The following GABRB3 variants were observed in gnomAD, a reference collection of about 807,000 sequenced individuals.
The protein encoded by GABRB3 is gamma-aminobutyric acid type A receptor subunit beta3, also known as gamma-aminobutyric acid receptor subunit beta-3.
GABRB3 carries 14 observed loss-of-function variants against 52.1 expected under a neutral mutation model. That is an observed-to-expected ratio of 0.27 (90% CI 0.18 to 0.42). The LOEUF is 0.42. Among genes scored for constraint, GABRB3 ranks in the 10% least tolerant of loss-of-function variants. The probability of loss-of-function intolerance (pLI) is 1.00; values close to 1 mark genes in which losing one functional copy is unlikely to be tolerated. For missense variants in GABRB3, 307 were observed against 609.1 expected, an observed-to-expected ratio of 0.50 and a Z score of 5.22; for synonymous variants, 260 against 232.3, an observed-to-expected ratio of 1.12 and a Z score of -1.08.
intron 3 of GABRB3, among the ~76,000 whole-genome samples, chr15:26,681,372 GC>G (rs1030695498): frequency 6.6e-6 from 1 of 151,854 alleles, no homozygotes; most frequent in Non-Finnish European, 1.5e-5. Context: ...CTGATATTCT[GC>G]CCCCCCGTAT....
intron 3 of GABRB3, chr15:26,656,998 G>A (rs186997879): frequency 6.6e-6 from 1 of 152,242 alleles, no homozygotes. Flanking sequence ...CTTCCTTTCT[G>A]TATTTAGGAA....
chr15:26,679,402 C>T (rs981766694), intron 3 of GABRB3, among the ~76,000 whole-genome samples: 4 of 152,114 alleles, frequency 2.6e-5, no homozygotes, highest in East Asian at 3.9e-4. Context: ...CTTGAGAAGT[C>T]GCACATACGT....
At chr15:26,710,765 T>G (rs1889267046) in intron 3 of GABRB3, among the ~76,000 whole-genome samples, 1 of 152,242 alleles carries the variant, frequency 6.6e-6, no homozygotes, top group Admixed American at 6.5e-5. Flanking sequence ...TGCCCATTTT[T>G]CAACTGGGTT....
At chr15:26,659,417 G>A (rs915538122) in intron 3 of GABRB3, among the ~76,000 whole-genome samples, 9 of 152,230 alleles carry the variant, frequency 5.9e-5, no homozygotes, top group Admixed American at 5.9e-4. Flanking sequence ...AGCTACTTGG[G>A]AGGCTGAGGC....
chr15:26,639,784 T>C (rs1893150640), intron 3 of GABRB3, among the ~76,000 whole-genome samples: 1 of 152,234 alleles, frequency 6.6e-6, no homozygotes, highest in African/African-American at 2.4e-5. Context: ...TGGGTAATGA[T>C]TGTGTTTGTT....
chr15:26,555,483 C>T (rs907888300), intron 8 of GABRB3, among the ~76,000 whole-genome samples: 1 of 152,128 alleles, frequency 6.6e-6, no homozygotes, highest in Non-Finnish European at 1.5e-5. Context: ...GTTTGGGAGA[C>T]GACCTCACGA....
intron 8 of GABRB3, among the ~76,000 whole-genome samples, chr15:26,558,466 C>T (rs890359771): frequency 6.6e-6 from 1 of 152,140 alleles, no homozygotes; most frequent in African/African-American, 2.4e-5. Flanking sequence ...GCAAGAAAAC[C>T]TCCATAGGCT....
intron 3 of GABRB3, among the ~76,000 whole-genome samples, chr15:26,717,765 T>TAAG: frequency 6.6e-6 from 1 of 152,216 alleles, no homozygotes; most frequent in Non-Finnish European, 1.5e-5. Context: ...GACACCTCTT[T>TAAG]ACAAGCTGAG....
intron 3 of GABRB3, among the ~76,000 whole-genome samples, chr15:26,723,065 GAGA>G (rs1303787507): frequency 2.6e-5 from 4 of 152,102 alleles, no homozygotes; most frequent in African/African-American, 9.7e-5. Flanking sequence ...TTCTTCCATT[GAGA>G]AGATTCCAAG....
rs942355738 is a variant in GABRB3, at chr15:26,621,444, G to T, written c.331C>A (p.Arg111=). ...GGCACCCATAGCTGGTCAGCCACTC[G>T]ATTGTCAAGCGTGAGGTTGAGAGGG... ...GIPLNLTLDN[R]VADQLWVPDT... is the part of the protein sequence containing the mutation. The change falls in exon 4 of 9, where the codon CGA becomes AGA. Residue 111 remains arginine (R), a synonymous_variant. Transcript: ENST00000311550. This position sits in a 1 kb window ranked among gnomAD's most constrained non-coding sequence, Gnocchi z 4.1. The T allele has an allele frequency of 6.2e-7, 1 of 1,614,094 alleles. No homozygotes were observed. Among genetic ancestry groups the T allele is most frequent in the East Asian group, 2.2e-5 (1 of 44,870 alleles).
At chr15:26,642,160 TGGCATAACA>T (rs1893219649) in intron 3 of GABRB3, among the ~76,000 whole-genome samples, 1 of 152,218 alleles carries the variant, frequency 6.6e-6, no homozygotes, top group African/African-American at 2.4e-5. Flanking sequence ...CCCAAAGCAC[TGGCATAACA>T]GGCATAAGCC....
intron 3 of GABRB3, among the ~76,000 whole-genome samples, chr15:26,665,225 C>T (rs1451558949): frequency 1.3e-5 from 2 of 152,178 alleles, no homozygotes; most frequent in Non-Finnish European, 2.9e-5. Flanking sequence ...TACCTGTTAA[C>T]CATGACCACT....
At chr15:26,664,523 A>AT (rs1887642786) in intron 3 of GABRB3, among the ~76,000 whole-genome samples, 2 of 151,876 alleles carry the variant, frequency 1.3e-5, no homozygotes, top group Admixed American at 6.6e-5. Flanking sequence ...GAAAGAAATC[A>AT]TTTTTTTGCA....
chr15:26,565,521 C>T (rs1389344380), intron 7 of GABRB3, among the ~76,000 whole-genome samples: 1 of 152,146 alleles, frequency 6.6e-6, no homozygotes, highest in Non-Finnish European at 1.5e-5. Context: ...CCAGCCCATG[C>T]CTTTATCCCA....
intron 3 of GABRB3, among the ~76,000 whole-genome samples, chr15:26,726,584 T>C (rs530584611): frequency 6.6e-6 from 1 of 152,316 alleles, no homozygotes; most frequent in South Asian, 2.1e-4. Context: ...CTATAGAATG[T>C]CTGCAATTTA....
chr15:26,642,527 GC>G (rs1893230660), intron 3 of GABRB3: 11 of 1,285,268 alleles, frequency 8.6e-6, no homozygotes, highest in Non-Finnish European at 1.1e-5. Flanking sequence ...TTCCTGCATA[GC>G]CTGCAAAGAA....
intron 3 of GABRB3, among the ~76,000 whole-genome samples, chr15:26,734,911 G>A (rs1178419031): frequency 2.0e-5 from 3 of 152,216 alleles, no homozygotes; most frequent in Middle Eastern, 3.4e-3. Flanking sequence ...GCAAGAACCA[G>A]TCAAAACAAA....
Position 26,621,569 on chromosome 15 carries a change from T to G in GABRB3, c.241-35A>C. 1.3e-6 allele frequency: 2 copies of G among 1,540,230 alleles called. No individual in the cohort carries two copies. The highest frequency in any genetic ancestry group is 1.8e-6 in the Non-Finnish European group (2 of 1,116,412). ...AAAGAAAAGAAAGAAAGTTAGTTTG[T>G]ACCCAGCCACAGGTGTATTTCCTCC... On this transcript the variant is annotated intron_variant, in intron 3 of 8. Coordinates refer to ENST00000311550, the MANE Select transcript of GABRB3 (RefSeq NM_000814.6). The surrounding 1 kb of genome is among the most constrained non-coding windows in gnomAD (Gnocchi z 4.1).
At chr15:26,598,709 C>A (rs1034016694) in intron 4 of GABRB3, among the ~76,000 whole-genome samples, 1 of 152,142 alleles carries the variant, frequency 6.6e-6, no homozygotes, top group African/African-American at 2.4e-5. Flanking sequence ...TCCCAGGAAG[C>A]TCACCCTAGT....
Sources: gnomAD v4.1 joint callset for allele counts (sites outside exome capture counted in the v4.1 genomes callset) on GRCh38, gnomAD v4.1.1 for gene constraint, Gnocchi (gnomAD v3.1) non-coding constraint, MANE v1.5 for transcripts, NCBI Gene and HGNC (gene_info 2026-07-23, HGNC 2026-07-21) for gene names.